The following TGFBRAP1 variants were observed in gnomAD, a reference collection of about 807,000 sequenced individuals.
TGFBRAP1 encodes transforming growth factor-beta receptor-associated protein 1.
In TGFBRAP1, 20 loss-of-function variants were observed where a neutral mutation model predicts 83.2. That is an observed-to-expected ratio of 0.24 (90% confidence interval 0.17 to 0.35). The LOEUF is 0.35. Ranked by LOEUF, TGFBRAP1 falls within the 10% of genes least tolerant of loss-of-function variation. The pLI, the probability that TGFBRAP1 is intolerant of heterozygous loss-of-function variation, is 1.00. For missense variants in TGFBRAP1, 950 were observed against 1,099.4 expected, an observed-to-expected ratio of 0.86 and a Z score of 1.92; for synonymous variants, 415 against 459.8, an observed-to-expected ratio of 0.90 and a Z score of 1.25.
rs1265813263 is a variant in TGFBRAP1 at position 105,269,256 on chromosome 2, G to A, written c.2406+16C>T. 2 of 1,566,924 alleles carry A rather than the reference G, an allele frequency of 1.3e-6. No individual in the cohort carries two copies. The highest frequency in any genetic ancestry group is 2.3e-5 in the East Asian group (1 of 43,866). On this transcript the variant is annotated intron_variant, in intron 11 of 11. Coordinates refer to ENST00000393359, the MANE Select transcript of TGFBRAP1 (RefSeq NM_004257.6). The surrounding 1 kb of genome is among the most constrained non-coding windows in gnomAD (Gnocchi z 4.1). ...GTTGACTGACCAGGAAGCAGCTCGTGGGGGCCAGCACTTACCTTATCGTAG... is the reference window on the plus strand; with the variant it reads ...GTTGACTGACCAGGAAGCAGCTCGTAGGGGCCAGCACTTACCTTATCGTAG...
chr2:105,307,759 A>ACACAGGCT lies in TGFBRAP1; in HGVS notation c.542_543insAGCCTGTG (p.Cys181Ter). 1 of 1,614,144 alleles carries ACACAGGCT rather than the reference A, an allele frequency of 6.2e-7. No homozygotes were observed. The highest frequency in any genetic ancestry group is 8.5e-7 in the Non-Finnish European group (1 of 1,180,032). ...TGATGTACTGAGTGGTCAGAGCCAG[A>ACACAGGCT]CACAGGAAGTGGCCGTCCACAGCCA... On this transcript the variant is annotated stop_gained and frameshift_variant, in exon 2 of 12. Transcript: ENST00000393359. LOFTEE classifies it high-confidence loss of function.
chr2:105,269,492 G>A lies in TGFBRAP1; in HGVS notation c.2186C>T (p.Thr729Ile), dbSNP rs768617019. 4 of 1,613,508 alleles carry A rather than the reference G, an allele frequency of 2.5e-6. No individual in the cohort carries two copies. The highest frequency in any genetic ancestry group is 3.4e-6 in the Non-Finnish European group (4 of 1,179,812). Residue 729 changes from threonine to isoleucine, a missense_variant, in exon 11 of 12, where the codon ACT (threonine) becomes ATT (isoleucine). Thr to Ile is a moderately conservative substitution (Grantham distance 89). Coordinates refer to ENST00000393359, the MANE Select transcript of TGFBRAP1 (RefSeq NM_004257.6). This position sits in a 1 kb window ranked among gnomAD's most constrained non-coding sequence, Gnocchi z 4.1. ...LLAIYLHAGP[T>I]AHELAVAAVD... is the part of the protein sequence containing the mutation. ...GGCAGCCACGGCCAGCTCGTGGGCA[G>A]TGGGGCCAGCATGCAGGTAGATGGC...
intron 1 of TGFBRAP1, among the ~76,000 whole-genome samples, chr2:105,325,500 C>T (rs2104425197): frequency 1.3e-5 from 2 of 152,216 alleles, no homozygotes; most frequent in South Asian, 4.1e-4. Flanking sequence ...TTGAGGGGAA[C>T]AAGTATGATT....
At chr2:105,294,449 G>A (rs1377502735) in intron 4 of TGFBRAP1, among the ~76,000 whole-genome samples, 4 of 152,048 alleles carry the variant, frequency 2.6e-5, no homozygotes, top group Admixed American at 6.6e-5. Context: ...GACTCGGTCC[G>A]TAATGGAAAA....
At chr2:105,261,714 T>C (rs1016152448), downstream of TGFBRAP1, among the ~76,000 whole-genome samples, 6 of 152,038 alleles carry the variant, frequency 3.9e-5, no homozygotes, top group Non-Finnish European at 8.8e-5. Flanking sequence ...ATCACGCCAC[T>C]GCACTCCAGC....
intron 6 of TGFBRAP1, among the ~76,000 whole-genome samples, chr2:105,279,405 G>A (rs911174467): frequency 1.3e-5 from 2 of 152,028 alleles, no homozygotes; most frequent in Non-Finnish European, 2.9e-5. Context: ...CCACAGGCGT[G>A]AACCACCACA....
chr2:105,293,229 T>C (rs1473316939), intron 4 of TGFBRAP1, among the ~76,000 whole-genome samples: 1 of 152,200 alleles, frequency 6.6e-6, no homozygotes, highest in Admixed American at 6.5e-5. Context: ...ACACCATCCA[T>C]ATTATGTGAC....
Position 105,307,939 on chromosome 2 carries a change from C to T in TGFBRAP1, c.363G>A (p.Thr121=), listed in dbSNP as rs531482548. 5.8e-5 allele frequency: 93 copies of T among 1,614,134 alleles called. No individual in the cohort carries two copies. Among genetic ancestry groups the T allele is most frequent in the Non-Finnish European group, 7.8e-5 (92 of 1,180,054 alleles). ...TCACAGGGTTCTCGTTCAGTGCAAA[C>T]GTGGCTGCCCCCTTGATGCGGGCCC... ...PSGARIKGAA[T]FALNENPVSG... The change falls in exon 2 of 12, where the codon ACG becomes ACA. Residue 121 remains threonine, a synonymous_variant. Coordinates refer to ENST00000393359, the MANE Select transcript of TGFBRAP1 (RefSeq NM_004257.6).
rs1490254546 is a variant in TGFBRAP1 at position 105,280,593 on chromosome 2, G to T, written c.1252C>A (p.Gln418Lys). The change falls in exon 6 of 12, where the codon CAG becomes AAG. Residue 418 changes from glutamine to lysine, a missense_variant. Gln to Lys is a moderately conservative substitution (Grantham distance 53). Transcript: ENST00000393359. ...ADLNQLTQGD[Q>K]EKMAKCKRFL... Reference sequence around the variant, plus strand: ...CGTTTGCACTTGGCCATCTTCTCCTGGTCCCCCTGGGTCAGCTGGTTCAGG... The same window carrying T: ...CGTTTGCACTTGGCCATCTTCTCCTTGTCCCCCTGGGTCAGCTGGTTCAGG... 1.2e-6 allele frequency: 2 copies of T among 1,614,140 alleles called. No homozygotes were observed. Among genetic ancestry groups the T allele is most frequent in the South Asian group, 2.2e-5 (2 of 91,072 alleles).
At chr2:105,288,389 C>A (rs1434867154) in intron 4 of TGFBRAP1, among the ~76,000 whole-genome samples, 1 of 152,108 alleles carries the variant, frequency 6.6e-6, no homozygotes, top group Non-Finnish European at 1.5e-5. Context: ...AATTCAGGGA[C>A]AGGATGGGGC....
Position 105,290,841 on chromosome 2 carries a change from C to G in TGFBRAP1, c.1038+5515G>C, listed in dbSNP as rs1057332787. ...CCAACATGGTGAAACCTCATCTCTA[C>G]TGAAAATACAAAAAATTAGCCAGGT... On this transcript the variant is annotated intron_variant, in intron 4 of 11. Transcript: ENST00000393359. 5.3e-5 allele frequency among the ~76,000 whole-genome samples: 8 copies of G among 152,026 alleles called. No homozygotes were observed. The South Asian group carries it at 1.7e-3, about 32-fold the overall frequency.
At chr2:105,314,539 C>T (rs1295926654) in intron 1 of TGFBRAP1, among the ~76,000 whole-genome samples, 4 of 151,842 alleles carry the variant, frequency 2.6e-5, no homozygotes, top group East Asian at 2.0e-4. Flanking sequence ...CGTGAGCCAC[C>T]GCGCCCAGCC....
Position 105,271,106 on chromosome 2 carries a change from C to T in TGFBRAP1, c.1973-1401G>A, listed in dbSNP as rs115984941. ...ATGACTGCTCATATAGGGCCTCTTC[C>T]GGGAGGCTGCCTCTGACCCCTCCAC... On this transcript the variant is annotated intron_variant, in intron 10 of 11. Transcript: ENST00000393359. 1.2e-3 allele frequency among the ~76,000 whole-genome samples: 179 copies of T among 152,326 alleles called. 1 individual carries two copies. Among genetic ancestry groups the T allele is most frequent in the African/African-American group, 3.9e-3 (163 of 41,578 alleles).
chr2:105,316,194 A>G (rs1043278519), intron 1 of TGFBRAP1, among the ~76,000 whole-genome samples: 8 of 152,220 alleles, frequency 5.3e-5, no homozygotes, highest in African/African-American at 1.9e-4. Context: ...CGTAAGTGGA[A>G]AGGGACACAG....
At chr2:105,313,914 T>G (rs1176369120) in intron 1 of TGFBRAP1, among the ~76,000 whole-genome samples, 10 of 152,074 alleles carry the variant, frequency 6.6e-5, no homozygotes, top group Admixed American at 6.5e-4. Context: ...AAGACAAGAA[T>G]CTGCCATCTG....
chr2:105,252,575 T>C, the TGFBRAP1 span, among the ~76,000 whole-genome samples: 2 of 152,120 alleles, frequency 1.3e-5, no homozygotes, highest in African/African-American at 2.4e-5. Flanking sequence ...TTCCCCAGGA[T>C]GATGATCCAT....
intron 4 of TGFBRAP1, among the ~76,000 whole-genome samples, chr2:105,294,912 C>T (rs1036593178): frequency 3.4e-5 from 5 of 147,536 alleles, no homozygotes; most frequent in Non-Finnish European, 2.9e-5. Context: ...TGGAATGTGG[C>T]CCCCCTGGAC....
chr2:105,300,114 G>A (rs1479225521), intron 2 of TGFBRAP1, among the ~76,000 whole-genome samples: 1 of 152,166 alleles, frequency 6.6e-6, no homozygotes, highest in African/African-American at 2.4e-5. Context: ...ACCATGTGTG[G>A]TGAAGAGTAG....
chr2:105,302,352 A>G (rs1368762981), intron 2 of TGFBRAP1, among the ~76,000 whole-genome samples: 1 of 152,148 alleles, frequency 6.6e-6, no homozygotes, highest in Non-Finnish European at 1.5e-5. Flanking sequence ...CAACAGATAC[A>G]CTGAAAACAC....
Sources: allele counts gnomAD v4.1 joint callset (sites outside exome capture counted in the v4.1 genomes callset), GRCh38; gene constraint gnomAD v4.1.1; non-coding constraint Gnocchi (gnomAD v3.1); transcripts MANE v1.5; gene names NCBI Gene and HGNC (gene_info 2026-07-23, HGNC 2026-07-21).